The following GPC6 variants were observed in gnomAD, a reference collection of about 807,000 sequenced individuals.
GPC6 encodes the protein glypican-6.
A neutral mutation model predicts 55.2 loss-of-function variants in GPC6; 14 were observed. The ratio of observed to expected loss-of-function variants is 0.25; its 90% CI spans 0.17 to 0.40. The LOEUF is 0.40. Among genes scored for constraint, GPC6 ranks in the 10% least tolerant of loss-of-function variants. The probability of loss-of-function intolerance (pLI) is 1.00; values close to 1 mark genes in which losing one functional copy is unlikely to be tolerated. For missense variants in GPC6, 641 were observed against 708.5 expected (o/e 0.90, Z 1.08); for synonymous variants, 278 against 259.6 (o/e 1.07, Z -0.68).
At chr13:93,423,107 T>C (rs952385711) in intron 1 of GPC6, among the ~76,000 whole-genome samples, 1 of 152,176 alleles carries the variant, frequency 6.6e-6, no homozygotes, top group African/African-American at 2.4e-5. Context: ...TTAACCTCTT[T>C]CAGAGTCCCT....
intron 2 of GPC6, among the ~76,000 whole-genome samples, chr13:93,812,906 C>A (rs1361402572): frequency 1.3e-5 from 2 of 152,132 alleles, no homozygotes; most frequent in African/African-American, 4.8e-5. Flanking sequence ...ATATGCCTGT[C>A]TCTCAACTTT....
chr13:94,081,285 C>G (rs1323318783), intron 4 of GPC6, among the ~76,000 whole-genome samples: 1 of 152,280 alleles, frequency 6.6e-6, no homozygotes, highest in East Asian at 1.9e-4. Flanking sequence ...AGTATTACTA[C>G]CACCATTTAA....
chr13:94,336,375 C>A (rs1449693378), intron 6 of GPC6, among the ~76,000 whole-genome samples: 1 of 152,156 alleles, frequency 6.6e-6, no homozygotes, highest in Non-Finnish European at 1.5e-5. Context: ...CCCCCAAAGA[C>A]CATCCTGAGT....
intron 6 of GPC6, among the ~76,000 whole-genome samples, chr13:94,336,117 A>T (rs1169542129): frequency 6.6e-6 from 1 of 152,136 alleles, no homozygotes; most frequent in Non-Finnish European, 1.5e-5. Context: ...AGGCAGGTTA[A>T]AATGAGCCAT....
intron 2 of GPC6, among the ~76,000 whole-genome samples, chr13:93,755,375 C>T (rs982239132): frequency 6.6e-6 from 1 of 152,092 alleles, no homozygotes; most frequent in Non-Finnish European, 1.5e-5. Context: ...CTTTTGCCTC[C>T]TATAGAAGCA....
At chr13:93,376,155 T>C (rs1198072280) in intron 1 of GPC6, among the ~76,000 whole-genome samples, 1 of 151,236 alleles carries the variant, frequency 6.6e-6, no homozygotes, top group African/African-American at 2.4e-5. Flanking sequence ...TGTCTACACA[T>C]GAGTGGAAGT....
rs534046617 is a variant in GPC6 at position 94,137,055 on chromosome 13, T to A, written c.877+109161T>A. ...AATAATGGAAGATATCCTAAATTTC[T>A]GACTTTCACAATAAAATTAATAGGT... On this transcript the variant is annotated intron_variant, in intron 4 of 8. Transcript: ENST00000377047. Among the ~76,000 whole-genome samples, 8 of 152,364 alleles carry A rather than the reference T, an allele frequency of 5.3e-5. 1 individual carries two copies. The highest frequency in any genetic ancestry group is 1.7e-4 in the African/African-American group (7 of 41,594).
chr13:93,947,684 G>C (rs539060018), intron 3 of GPC6, among the ~76,000 whole-genome samples: 5 of 151,982 alleles, frequency 3.3e-5, no homozygotes, highest in African/African-American at 1.2e-4. Flanking sequence ...ACACTGCTTA[G>C]CATCAAGATT....
chr13:93,371,284 C>T (rs1874640793), intron 1 of GPC6, among the ~76,000 whole-genome samples: 1 of 151,996 alleles, frequency 6.6e-6, no homozygotes, highest in Non-Finnish European at 1.5e-5. Context: ...GAGTGTGTCA[C>T]ATACACCAGG....
At chr13:93,247,425 T>C (rs1876641511) in intron 1 of GPC6, among the ~76,000 whole-genome samples, 1 of 152,196 alleles carries the variant, frequency 6.6e-6, no homozygotes, top group South Asian at 2.1e-4. Flanking sequence ...CCAACTATAT[T>C]TGCCTTGAAC....
chr13:93,738,662 G>C (rs1055045701), intron 2 of GPC6, among the ~76,000 whole-genome samples: 8 of 152,188 alleles, frequency 5.3e-5, no homozygotes, highest in African/African-American at 1.9e-4. Flanking sequence ...GGGGTTTGGA[G>C]TAGGAGAGAG....
intron 2 of GPC6, among the ~76,000 whole-genome samples, chr13:93,789,733 A>C (rs755477326): frequency 6.7e-6 from 1 of 148,346 alleles, no homozygotes; most frequent in Non-Finnish European, 1.5e-5. Context: ...AATGAAGTGG[A>C]TGGCACAGAG....
chr13:93,434,881 A>C (rs1877510623), intron 1 of GPC6, among the ~76,000 whole-genome samples: 1 of 152,054 alleles, frequency 6.6e-6, no homozygotes, highest in South Asian at 2.1e-4. Context: ...TCATGTTTGT[A>C]TTTTTAGTAG....
chr13:94,164,796 G>C, intron 4 of GPC6, among the ~76,000 whole-genome samples: 1 of 151,922 alleles, frequency 6.6e-6, no homozygotes, highest in South Asian at 2.1e-4. Flanking sequence ...AAAATAAATT[G>C]ATTTTTTTTT....
chr13:94,279,568 A>G (rs1323169294), intron 4 of GPC6, among the ~76,000 whole-genome samples: 1 of 151,902 alleles, frequency 6.6e-6, no homozygotes, highest in African/African-American at 2.4e-5. Flanking sequence ...TAGCTTTCTG[A>G]TGTGGGCATT....
chr13:94,206,883 C>T (rs578248312), intron 4 of GPC6, among the ~76,000 whole-genome samples: 7 of 152,162 alleles, frequency 4.6e-5, no homozygotes, highest in African/African-American at 1.4e-4. Flanking sequence ...AGATAGTAAA[C>T]AATTTGCCTG....
intron 1 of GPC6, among the ~76,000 whole-genome samples, chr13:93,233,881 C>T (rs1876143754): frequency 6.6e-6 from 1 of 152,184 alleles, no homozygotes; most frequent in Non-Finnish European, 1.5e-5. Context: ...AAGGTAACCC[C>T]TGCTTCTTGA....
chr13:94,292,853 G>A (rs1228211453), intron 5 of GPC6, among the ~76,000 whole-genome samples: 1 of 152,060 alleles, frequency 6.6e-6, no homozygotes. Flanking sequence ...TTTTTATAGG[G>A]ACTGTCAGAT....
intron 4 of GPC6, among the ~76,000 whole-genome samples, chr13:94,184,410 A>C (rs1487664980): frequency 6.6e-6 from 1 of 152,206 alleles, no homozygotes; most frequent in Non-Finnish European, 1.5e-5. Flanking sequence ...TCTAACATCC[A>C]GAATCTAGAA....
Sources: allele counts gnomAD v4.1 joint callset (sites outside exome capture counted in the v4.1 genomes callset), GRCh38; gene constraint gnomAD v4.1.1; transcripts MANE v1.5; gene names NCBI Gene and HGNC (gene_info 2026-07-23, HGNC 2026-07-21).